Variants in HIBCH observed in about 807,000 individuals in gnomAD.
The protein encoded by HIBCH is 3-hydroxyisobutyryl-CoA hydrolase, also known as 3-hydroxyisobutyryl-CoA hydrolase, mitochondrial.
A neutral mutation model predicts 58.2 loss-of-function variants in HIBCH; 50 were observed. The ratio of observed to expected loss-of-function variants is 0.86; its 90% CI spans 0.68 to 1.09. The LOEUF (loss-of-function observed/expected upper bound fraction) is 1.09, where lower values mean the gene tolerates loss of function less well. HIBCH is among the 50% of genes least tolerant of loss of function. The probability of loss-of-function intolerance (pLI) is 0.00; values close to 1 mark genes in which losing one functional copy is unlikely to be tolerated. For missense variants in HIBCH, 450 were observed against 449.7 expected, an observed-to-expected ratio of 1.00 and a Z score of -0.01; for synonymous variants, 151 against 146.9, an observed-to-expected ratio of 1.03 and a Z score of -0.20.
At chr2:190,287,523 AATT>A (rs1687861142) in intron 6 of HIBCH, 60 bp downstream of exon 6, 4 of 1,054,012 alleles carry the variant, frequency 3.8e-6, no homozygotes, top group Admixed American at 1.7e-5. Flanking sequence ...TCTGTTTAAT[AATT>A]ATTAACTTAT....
At position 190,238,920 on chromosome 2, in the gene HIBCH, G is replaced by A. The variant is rs114197300; in HGVS notation, c.891+5967C>T. Among the ~76,000 whole-genome samples, 1,006 of 152,264 alleles carry A rather than the reference G, an allele frequency of 6.6e-3. 12 individuals carry two copies. The highest frequency in any genetic ancestry group is 0.022 in the African/African-American group (914 of 41,544). ...TTTTCTCCCATTCCGTGAGTTGCCT[G>A]TTCACTCTGATGAGAATTTCTTCTG... On this transcript the variant is annotated intron_variant, in intron 11 of 13. Transcript: ENST00000359678.
At chr2:190,213,187 A>G in intron 11 of HIBCH, 112 bp from the exon 12 acceptor site, 1 of 925,962 alleles carries the variant, frequency 1.1e-6, no homozygotes, top group Non-Finnish European at 1.7e-6. Context: ...ATCTCATAAA[A>G]GATTATACCC....
At chr2:190,318,586 A>G (rs1331663733) in intron 1 of HIBCH, among the ~76,000 whole-genome samples, 2 of 152,210 alleles carry the variant, frequency 1.3e-5, no homozygotes, top group Admixed American at 6.5e-5. Context: ...CCTACAGAGT[A>G]CTGCATCTTG....
intron 7 of HIBCH, among the ~76,000 whole-genome samples, chr2:190,257,515 G>A (rs1310002116): frequency 6.6e-6 from 1 of 151,956 alleles, no homozygotes; most frequent in Non-Finnish European, 1.5e-5. Flanking sequence ...GAAAAAAAAA[G>A]AGAAGACACA....
chr2:190,230,310 G>A (rs1292955358), intron 11 of HIBCH, among the ~76,000 whole-genome samples: 1 of 152,158 alleles, frequency 6.6e-6, no homozygotes, highest in African/African-American at 2.4e-5. Context: ...AACAGTAGTA[G>A]TAAAAAAGGA....
chr2:190,214,920 A>G lies in HIBCH; in HGVS notation c.892-1845T>C, dbSNP rs1018584018. Reference sequence around the variant, plus strand: ...GAGGAAAGAATTAGAACAATGTAAGAAGGACATTGAGAATTTCCCTATTTC... The same window carrying G: ...GAGGAAAGAATTAGAACAATGTAAGGAGGACATTGAGAATTTCCCTATTTC... On this transcript the variant is annotated intron_variant, in intron 11 of 13. Coordinates refer to ENST00000359678, the MANE Select transcript of HIBCH (RefSeq NM_014362.4). This position sits in a 1 kb window ranked among gnomAD's most constrained non-coding sequence, Gnocchi z 5.5. The G allele has an allele frequency of 3.3e-5, 5 of 152,240 alleles. No individual in the cohort carries two copies. Among genetic ancestry groups the G allele is most frequent in the African/African-American group, 1.2e-4 (5 of 41,466 alleles). 9.4% of individuals were successfully genotyped at this position (152,240 alleles called of 1,614,324 possible).
chr2:190,196,499 AT>A (rs1689983560), intron 1 of HIBCH, among the ~76,000 whole-genome samples: 1 of 145,610 alleles, frequency 6.9e-6, no homozygotes, highest in Non-Finnish European at 1.5e-5. Flanking sequence ...TCTATTATTA[AT>A]TTCTATTAAG....
downstream of HIBCH, chr2:190,200,075 A>ATGCCT: frequency 6.2e-7 from 1 of 1,614,102 alleles, no homozygotes. Flanking sequence ...ATCTTGTGTG[A>ATGCCT]TGCCTTGCAG....
At chr2:190,239,805 A>G (rs1260694678) in intron 11 of HIBCH, among the ~76,000 whole-genome samples, 1 of 151,772 alleles carries the variant, frequency 6.6e-6, no homozygotes, top group African/African-American at 2.4e-5. Flanking sequence ...ATGTGCCACC[A>G]CGCCCAGCTA....
At chr2:190,263,396 C>T (rs1210780600) in intron 6 of HIBCH, among the ~76,000 whole-genome samples, 1 of 152,098 alleles carries the variant, frequency 6.6e-6, no homozygotes, top group African/African-American at 2.4e-5. Flanking sequence ...AGGCACCATA[C>T]ATTCCTGCTT....
Position 190,249,720 on chromosome 2 carries a change from T to C in HIBCH, c.670A>G (p.Met224Val), listed in dbSNP as rs774195149. 4 of 1,601,134 alleles carry C rather than the reference T, an allele frequency of 2.5e-6. No homozygotes were observed. Among genetic ancestry groups the C allele is most frequent in the Non-Finnish European group, 3.4e-6 (4 of 1,168,510 alleles). Residue 224 changes from methionine to valine, a missense_variant, in exon 9 of 14, where the codon ATG (methionine) becomes GTG (valine). By Grantham distance (21) the Met-to-Val change is conservative. Transcript: ENST00000359678. ...AAGGCTAACAAATCTTCCTCTAACA[T>C]GGCCAACTAAAGGGGAGGCAGAAAA... ...THFVDSEKLA[M>V]LEEDLLALKS...
At chr2:190,312,326 A>T (rs1409665407) in intron 1 of HIBCH, among the ~76,000 whole-genome samples, 1 of 152,258 alleles carries the variant, frequency 6.6e-6, no homozygotes. Context: ...TAAAAACACT[A>T]TAGTTAGAAT....
In HIBCH at chr2:190,315,486, A is replaced by C. The variant is rs1262226434; in HGVS notation, c.35+4230T>G. Among the ~76,000 whole-genome samples the C allele has an allele frequency of 6.6e-6, 1 of 152,250 alleles. No individual in the cohort carries two copies. Among genetic ancestry groups the C allele is most frequent in the Admixed American group, 6.5e-5 (1 of 15,290 alleles). ...CCCTCCAGGTGGTTATGATGCGTGA[A>C]GTTTAAATAAACAACTGTCTTAGAT... is the stretch of plus-strand genomic sequence containing the variant. On this transcript the variant is annotated intron_variant, in intron 1 of 13. Transcript: ENST00000359678. This position sits in a 1 kb window ranked among gnomAD's most constrained non-coding sequence, Gnocchi z 5.4.
Position 190,288,174 on chromosome 2 carries a change from TA to T in HIBCH, c.386-537del, listed in dbSNP as rs72480573. 5.5e-5 allele frequency among the ~76,000 whole-genome samples: 8 copies of T among 144,932 alleles called. 1 individual carries two copies. The South Asian group carries it at 6.6e-4, about 12-fold the overall frequency. On this transcript the variant is annotated intron_variant, in intron 5 of 13. Transcript: ENST00000359678. ...ACCCTATCTTTTTTTTTTTTTTTTT[TA>T]AAAAAAGGAAGAGCTATGTCACATT...
In HIBCH at chr2:190,243,905, G is replaced by A. The variant is rs1358280184; in HGVS notation, c.891+982C>T. ...GGATTGCTTGAGCCTGGGAGGCTGA[G>A]GCTGCAGTGAGTTGTGATTGCACCA... On this transcript the variant is annotated intron_variant, in intron 11 of 13. Transcript: ENST00000359678. The surrounding 1 kb of genome is among the most constrained non-coding windows in gnomAD (Gnocchi z 4.1). Among the ~76,000 whole-genome samples the A allele has an allele frequency of 1.3e-5, 2 of 152,210 alleles. No homozygotes were observed. The highest frequency in any genetic ancestry group is 2.9e-5 in the Non-Finnish European group (2 of 68,040).
chr2:190,294,430 T>C, intron 4 of HIBCH, 116 bp downstream of exon 4: 1 of 732,958 alleles, frequency 1.4e-6, no homozygotes. Flanking sequence ...GTATTAACTT[T>C]ATAATAAAAA....
At chr2:190,297,231 ACC>A (rs1250625457) in intron 2 of HIBCH, among the ~76,000 whole-genome samples, 1 of 152,202 alleles carries the variant, frequency 6.6e-6, no homozygotes, top group African/African-American at 2.4e-5. Flanking sequence ...ACTTTGAAAT[ACC>A]CTTAAATATT....
chr2:190,319,467 G>A lies in HIBCH; in HGVS notation c.35+249C>T, dbSNP rs1363570509. 2.6e-5 allele frequency among the ~76,000 whole-genome samples: 4 copies of A among 152,312 alleles called. 1 individual carries two copies. In the East Asian group the frequency reaches 7.7e-4, roughly 29 times the overall value. On this transcript the variant is annotated intron_variant, in intron 1 of 13. Transcript: ENST00000359678. ...AGGCCAAAAGAATTAAAGTCGTGTG[G>A]GGACAAGCCTGAATTAAGAGCCAGA...
chr2:190,248,103 T>TA (rs1204978934), intron 9 of HIBCH, among the ~76,000 whole-genome samples: 1 of 152,238 alleles, frequency 6.6e-6, no homozygotes, highest in African/African-American at 2.4e-5. Flanking sequence ...AGTTAACAGT[T>TA]ATAGATTGGT....
Sources: gnomAD v4.1 joint callset for allele counts (sites outside exome capture counted in the v4.1 genomes callset) on GRCh38, gnomAD v4.1.1 for gene constraint, Gnocchi (gnomAD v3.1) non-coding constraint, MANE v1.5 for transcripts, NCBI Gene and HGNC (gene_info 2026-07-23, HGNC 2026-07-21) for gene names.